The following NTM variants were observed in gnomAD, a reference collection of about 807,000 sequenced individuals.
NTM encodes IgLON family member 2.
A neutral mutation model predicts 42.1 loss-of-function variants in NTM; 13 were observed. That is an observed-to-expected ratio of 0.31 (90% CI 0.20 to 0.49). NTM has a LOEUF of 0.49. Ranked by LOEUF, NTM falls within the 20% of genes least tolerant of loss-of-function variation. NTM has a pLI of 0.99. For missense variants in NTM, 373 were observed against 452.8 expected, an observed-to-expected ratio of 0.82 and a Z score of 1.60; for synonymous variants, 187 against 179.2, an observed-to-expected ratio of 1.04 and a Z score of -0.35.
intron 2 of NTM, among the ~76,000 whole-genome samples, chr11:132,136,553 A>G (rs1407644114): frequency 6.6e-6 from 1 of 152,208 alleles, no homozygotes; most frequent in Non-Finnish European, 1.5e-5. Context: ...ATGGCCACAC[A>G]TGTACATCAT....
intron 1 of NTM, among the ~76,000 whole-genome samples, chr11:131,784,593 G>A (rs188567218): frequency 2.6e-5 from 4 of 152,256 alleles, no homozygotes; most frequent in East Asian, 1.9e-4. Flanking sequence ...CCTGGGGTCC[G>A]GGCTTGGGGG....
intron 1 of NTM, among the ~76,000 whole-genome samples, chr11:131,892,302 C>G (rs1280931212): frequency 6.6e-6 from 1 of 152,218 alleles, no homozygotes; most frequent in African/African-American, 2.4e-5. Flanking sequence ...TTCCGCAAAT[C>G]TAACATTTTG....
intron 2 of NTM, among the ~76,000 whole-genome samples, chr11:132,107,494 G>A (rs988612698): frequency 2.6e-5 from 4 of 151,278 alleles, no homozygotes; most frequent in African/African-American, 9.7e-5. Context: ...AGAAGTAGAG[G>A]TGCACCACTA....
At chr11:132,260,860 G>T (rs1332324251) in intron 4 of NTM, among the ~76,000 whole-genome samples, 1 of 152,158 alleles carries the variant, frequency 6.6e-6, no homozygotes, top group Non-Finnish European at 1.5e-5. Context: ...ATGAGCCTCA[G>T]GCTGGTTTAG....
At chr11:131,734,143 G>A (rs183393098) in intron 1 of NTM, among the ~76,000 whole-genome samples, 1 of 152,128 alleles carries the variant, frequency 6.6e-6, no homozygotes, top group Non-Finnish European at 1.5e-5. Flanking sequence ...GAAGACAGGG[G>A]ACAAGTCTGT....
chr11:131,979,394 C>T (rs528178096), intron 2 of NTM, among the ~76,000 whole-genome samples: 450 of 152,282 alleles, frequency 3.0e-3, no homozygotes, highest in Non-Finnish European at 4.9e-3. Flanking sequence ...GTAGTAATTT[C>T]TTGAGGTTTA....
chr11:131,673,681 G>A (rs1308285280), intron 1 of NTM, among the ~76,000 whole-genome samples: 1 of 152,172 alleles, frequency 6.6e-6, no homozygotes. Flanking sequence ...TGGACAAATG[G>A]TACTAAAGGG....
At chr11:131,389,235 C>A (rs1226330000) in intron 1 of NTM, among the ~76,000 whole-genome samples, 1 of 152,166 alleles carries the variant, frequency 6.6e-6, no homozygotes, top group Non-Finnish European at 1.5e-5. Context: ...CCTGCAGCCA[C>A]CCCTTACCTG....
rs776104114 is a variant in NTM at position 132,232,420 on chromosome 11, G to A, written c.526+20273G>A. On this transcript the variant is annotated intron_variant, in intron 4 of 8. Transcript: ENST00000683400. ...GGACAGGACGAGTCGCCCACCTGTC[G>A]CTGCTGCAGCTGGCTTGTCTATGGT... Among the ~76,000 whole-genome samples the A allele has an allele frequency of 5.5e-4, 84 of 152,168 alleles. 1 individual carries two copies. Among genetic ancestry groups the A allele is most frequent in the Non-Finnish European group, 3.1e-4 (21 of 68,024 alleles).
At chr11:132,043,956 C>CTGTGTGTGTGTG (rs1389188401) in intron 2 of NTM, among the ~76,000 whole-genome samples, 1 of 98,998 alleles carries the variant, frequency 1.0e-5, no homozygotes, top group African/African-American at 4.0e-5. Flanking sequence ...CAGACACCAA[C>CTGTGTGTGTGTG]TATGTGTGTG....
chr11:132,330,901 G>A (rs1449894488), intron 8 of NTM, among the ~76,000 whole-genome samples: 3 of 152,192 alleles, frequency 2.0e-5, no homozygotes. Flanking sequence ...CTGAGCTGTA[G>A]CTCTGACCAG....
intron 1 of NTM, among the ~76,000 whole-genome samples, chr11:131,880,148 C>G (rs928021049): frequency 6.6e-6 from 1 of 152,156 alleles, no homozygotes; most frequent in Non-Finnish European, 1.5e-5. Context: ...AAATCTCTTC[C>G]GACCCAGCAG....
intron 7 of NTM, chr11:132,314,927 T>A: frequency 7.6e-7 from 1 of 1,319,186 alleles, no homozygotes; most frequent in South Asian, 2.5e-5. Context: ...ACAGTTTACA[T>A]GTATACAAAG....
chr11:132,152,642 C>T (rs917930277), intron 3 of NTM, among the ~76,000 whole-genome samples: 5 of 152,190 alleles, frequency 3.3e-5, no homozygotes, highest in South Asian at 2.1e-4. Context: ...ACTATCTAGA[C>T]AGCATGCAGA....
At chr11:131,473,707 G>T (rs1402655899) in intron 1 of NTM, among the ~76,000 whole-genome samples, 1 of 152,112 alleles carries the variant, frequency 6.6e-6, no homozygotes, top group African/African-American at 2.4e-5. Context: ...AGAGGGAGGG[G>T]CTCACTCTCT....
At chr11:132,052,269 A>G (rs1389886200) in intron 2 of NTM, among the ~76,000 whole-genome samples, 4 of 152,158 alleles carry the variant, frequency 2.6e-5, no homozygotes, top group African/African-American at 9.7e-5. Context: ...CATGAATGCT[A>G]ATTGGAACTC....
At chr11:132,277,915 C>T (rs1455231217) in intron 4 of NTM, among the ~76,000 whole-genome samples, 1 of 151,970 alleles carries the variant, frequency 6.6e-6, no homozygotes, top group African/African-American at 2.4e-5. Flanking sequence ...TTTCTGAGTT[C>T]CAAGAAATTG....
intron 1 of NTM, among the ~76,000 whole-genome samples, chr11:131,718,403 T>C (rs2077954956): frequency 6.6e-6 from 1 of 152,222 alleles, no homozygotes; most frequent in Non-Finnish European, 1.5e-5. Flanking sequence ...TTGCTCTTAA[T>C]ATCTATTTGG....
At position 132,268,668 on chromosome 11, in the gene NTM, C is replaced by CTGTGTGTGTGTGTGTG. The variant is rs779978929; in HGVS notation, c.527-39020_527-39019insGTGTGTGTGTGTGTGT. ...TTGTGGTGTGGGGTCCTCTCTCTCT[C>CTGTGTGTGTGTGTGTG]TCTGTGTGTGTGTGTGTGTGTGTGT... On this transcript the variant is annotated intron_variant, in intron 4 of 8. Coordinates refer to ENST00000683400, the MANE Select transcript of NTM (RefSeq NM_001352005.2). Among the ~76,000 whole-genome samples, 555 of 138,678 alleles carry CTGTGTGTGTGTGTGTG rather than the reference C, an allele frequency of 4.0e-3. 3 individuals are homozygous for CTGTGTGTGTGTGTGTG. The highest frequency in any genetic ancestry group is 0.014 in the African/African-American group (521 of 37,298). The allele number at this position is 138,678 out of a possible 152,430, so 91.0% of individuals were successfully genotyped here.
Sources: gnomAD v4.1 joint callset for allele counts (sites outside exome capture counted in the v4.1 genomes callset) on GRCh38, gnomAD v4.1.1 for gene constraint, MANE v1.5 for transcripts, NCBI Gene and HGNC (gene_info 2026-07-23, HGNC 2026-07-21) for gene names.